Variants in OPCML observed in about 807,000 individuals in gnomAD.
OPCML encodes opioid binding protein/cell adhesion molecule like, also known as opioid-binding protein/cell adhesion molecule.
In OPCML, 13 loss-of-function variants were observed where a neutral mutation model predicts 37.8. The ratio of observed to expected loss-of-function variants is 0.34; its 90% CI spans 0.22 to 0.55. The LOEUF (loss-of-function observed/expected upper bound fraction) is 0.55. Ranked by LOEUF, OPCML falls within the 20% of genes least tolerant of loss-of-function variation. OPCML has a pLI of 0.91. For synonymous variants in OPCML, 176 were observed against 168.8 expected, an observed-to-expected ratio of 1.04 and a Z score of -0.33; for missense variants, 341 against 435.6, an observed-to-expected ratio of 0.78 and a Z score of 1.93.
At chr11:133,097,311 G>A (rs1314042761) in intron 1 of OPCML, among the ~76,000 whole-genome samples, 3 of 152,110 alleles carry the variant, frequency 2.0e-5, no homozygotes, top group African/African-American at 7.2e-5. Flanking sequence ...GTGGGTCAAA[G>A]AATAAATCTC....
chr11:132,975,206 T>A (rs976038483), intron 1 of OPCML, among the ~76,000 whole-genome samples: 8 of 151,702 alleles, frequency 5.3e-5, no homozygotes, highest in Non-Finnish European at 2.9e-5. Flanking sequence ...AAAGAAAATA[T>A]AACAAATATA....
intron 2 of OPCML, among the ~76,000 whole-genome samples, chr11:132,769,163 T>C (rs1946555435): frequency 6.6e-6 from 1 of 151,858 alleles, no homozygotes; most frequent in Admixed American, 6.6e-5. Context: ...GCCCATTGTG[T>C]TATTAGGGTC....
chr11:132,841,183 C>T (rs1055547497), intron 2 of OPCML, among the ~76,000 whole-genome samples: 1 of 152,192 alleles, frequency 6.6e-6, no homozygotes, highest in African/African-American at 2.4e-5. Context: ...TCCAAGACTT[C>T]GCACTGTGCT....
intron 1 of OPCML, among the ~76,000 whole-genome samples, chr11:133,125,060 C>T (rs117968216): frequency 0.012 from 1,852 of 152,190 alleles, 33 homozygotes; most frequent in Non-Finnish European, 0.018. Flanking sequence ...TCCAGGCAAC[C>T]GTTTGGAATG....
chr11:132,465,807 T>C (rs1047434289), intron 4 of OPCML, among the ~76,000 whole-genome samples: 1 of 152,222 alleles, frequency 6.6e-6, no homozygotes, highest in Admixed American at 6.5e-5. Flanking sequence ...GCTTTTTCAT[T>C]TTTATGTTTA....
At chr11:132,513,077 A>G (rs1378306450) in intron 4 of OPCML, among the ~76,000 whole-genome samples, 1 of 152,142 alleles carries the variant, frequency 6.6e-6, no homozygotes, top group African/African-American at 2.4e-5. Context: ...ACCTCATTAC[A>G]TATCAAGGTA....
intron 7 of OPCML, among the ~76,000 whole-genome samples, chr11:132,435,759 C>G (rs2096010909): frequency 6.6e-6 from 1 of 152,216 alleles, no homozygotes; most frequent in African/African-American, 2.4e-5. Flanking sequence ...ACTCCAACTA[C>G]AGAAGGCATC....
intron 1 of OPCML, among the ~76,000 whole-genome samples, chr11:133,340,608 CTGTGTGTGTG>C (rs5795838): frequency 0.12 from 16,769 of 139,490 alleles, 1,478 homozygotes; most frequent in African/African-American, 0.27. Flanking sequence ...AAGACTCTCT[CTGTGTGTGTG>C]TGTGTGTGTG....
intron 3 of OPCML, among the ~76,000 whole-genome samples, chr11:132,544,811 T>G (rs1192895194): frequency 6.6e-6 from 1 of 152,156 alleles, no homozygotes; most frequent in Non-Finnish European, 1.5e-5. Context: ...CAGTATCCTC[T>G]GCATTGCACA....
intron 4 of OPCML, among the ~76,000 whole-genome samples, chr11:132,467,841 A>C (rs1295617258): frequency 6.6e-6 from 1 of 152,178 alleles, no homozygotes; most frequent in Non-Finnish European, 1.5e-5. Flanking sequence ...TCTGAATTCA[A>C]AGTTCAGAGT....
intron 1 of OPCML, among the ~76,000 whole-genome samples, chr11:133,294,815 C>CTTTTTTTTTTTTTTTT (rs59382534): frequency 5.0e-4 from 28 of 56,526 alleles, no homozygotes; most frequent in East Asian, 7.7e-4. Flanking sequence ...TTCTTTCTTT[C>CTTTTTTTTTTTTTTTT]TTTTTTTTTT....
Position 133,027,865 on chromosome 11 carries a change from G to T in OPCML, c.62-84855C>A, listed in dbSNP as rs941327614. Among the ~76,000 whole-genome samples the T allele has an allele frequency of 2.3e-3, 22 of 9,462 alleles. 1 individual carries two copies. Among genetic ancestry groups the T allele is most frequent in the Admixed American group, 0.013 (15 of 1,142 alleles). The allele number at this position is 9,462 out of a possible 152,430, so 6.2% of individuals were successfully genotyped here. A position where few individuals can be genotyped will look rare whatever the true frequency, so the allele number is the denominator to read the frequency against. On this transcript the variant is annotated intron_variant, in intron 1 of 7. Transcript: ENST00000524381. ...GAGTGTAGTAGTGTGTGTGGGTTTT[G>T]TACCTCCATGCCAATAATACCCTTT...
rs138006879 is a variant in OPCML, at chr11:133,070,411, T to C, written c.62-127401A>G. Among the ~76,000 whole-genome samples, 836 of 152,284 alleles carry C rather than the reference T, an allele frequency of 5.5e-3. 8 individuals are homozygous for C. Among genetic ancestry groups the C allele is most frequent in the African/African-American group, 0.019 (791 of 41,554 alleles). On this transcript the variant is annotated intron_variant, in intron 1 of 7. Coordinates refer to ENST00000524381, the MANE Select transcript of OPCML (RefSeq NM_001012393.5). ...TGGTAAATTCTCCCACCCTGGTCCA[T>C]TTAGGCTCAAGATTTCATAATCTCT...
rs138643856 is a variant in OPCML, at chr11:133,039,893, G to C, written c.62-96883C>G. ...AAATACAAAATATTAGCTGGGTATG[G>C]TGGTGGGCACCTGTAATCCCAGCTA... On this transcript the variant is annotated intron_variant, in intron 1 of 7. Transcript: ENST00000524381. Among the ~76,000 whole-genome samples the C allele has an allele frequency of 3.6e-3, 555 of 152,072 alleles. 3 individuals are homozygous for C. The highest frequency in any genetic ancestry group is 0.013 in the African/African-American group (521 of 41,484).
At chr11:133,499,233 C>A (rs891141853) in intron 1 of OPCML, among the ~76,000 whole-genome samples, 1 of 152,110 alleles carries the variant, frequency 6.6e-6, no homozygotes, top group African/African-American at 2.4e-5. Flanking sequence ...TCTTGGGAAC[C>A]AGGGATTTCG....
intron 2 of OPCML, among the ~76,000 whole-genome samples, chr11:132,849,898 G>A (rs534718238): frequency 4.6e-5 from 7 of 152,204 alleles, no homozygotes; most frequent in Non-Finnish European, 7.3e-5. Flanking sequence ...CTGAATGACT[G>A]TGAAACTGTG....
intron 1 of OPCML, among the ~76,000 whole-genome samples, chr11:133,224,676 A>G (rs1464179603): frequency 1.3e-5 from 2 of 152,216 alleles, no homozygotes; most frequent in Non-Finnish European, 2.9e-5. Flanking sequence ...AAGAATTGCT[A>G]TTTCTTTTGC....
chr11:132,940,656 T>C (rs889871811), intron 2 of OPCML, among the ~76,000 whole-genome samples: 5 of 152,106 alleles, frequency 3.3e-5, no homozygotes, highest in African/African-American at 1.2e-4. Context: ...TCTTCACCAA[T>C]ACAGCAAAAG....
intron 4 of OPCML, among the ~76,000 whole-genome samples, chr11:132,504,871 A>T (rs941420118): frequency 6.6e-6 from 1 of 152,122 alleles, no homozygotes; most frequent in Non-Finnish European, 1.5e-5. Flanking sequence ...AGGCGGGGTC[A>T]CTGAGGTCCC....
Sources: allele counts gnomAD v4.1 joint callset (sites outside exome capture counted in the v4.1 genomes callset), GRCh38; gene constraint gnomAD v4.1.1; transcripts MANE v1.5; gene names NCBI Gene and HGNC (gene_info 2026-07-23, HGNC 2026-07-21).